ZNF487: variants seen among roughly 807,000 people sequenced by gnomAD.
ZNF487 encodes the protein zinc finger protein 487.
ZNF487 carries 4 observed loss-of-function variants against 3.0 expected under a neutral mutation model. The ratio of observed to expected loss-of-function variants is 1.35; its 90% CI spans 0.66 to 3.08. The LOEUF (loss-of-function observed/expected upper bound fraction) is 3.08. Ranked by LOEUF, ZNF487 falls within the 30% of genes most tolerant of loss-of-function variation. ZNF487 has a pLI of 0.01. For missense variants in ZNF487, 146 were observed against 98.7 expected, an observed-to-expected ratio of 1.48 and a Z score of -2.03; for synonymous variants, 55 against 34.6, an observed-to-expected ratio of 1.59 and a Z score of -2.06.
the ZNF487 span, among the ~76,000 whole-genome samples, chr10:43,511,179 C>T: frequency 6.6e-6 from 1 of 152,172 alleles, no homozygotes; most frequent in African/African-American, 2.4e-5. Context: ...TTTGCCCCAG[C>T]CTTGCAAAAT....
chr10:43,436,945 C>T (rs1401247308), upstream of ZNF487: 1 of 465,084 alleles, frequency 2.2e-6, no homozygotes. Flanking sequence ...GGTAAGAGTC[C>T]GGCCAGCGGA....
chr10:43,479,975 C>CTTTTCT (rs1341921432), intron 3 of ZNF487, among the ~76,000 whole-genome samples: 1 of 38,742 alleles, frequency 2.6e-5, no homozygotes. Flanking sequence ...TCTTTCTTTT[C>CTTTTCT]TTTCTTTCCT....
chr10:43,503,417 A>G, the ZNF487 span, among the ~76,000 whole-genome samples: 28 of 152,178 alleles, frequency 1.8e-4, no homozygotes, highest in Non-Finnish European at 3.7e-4. Flanking sequence ...TTATTGTTGA[A>G]GAAAGGAAAA....
chr10:43,510,679 C>T, the ZNF487 span, among the ~76,000 whole-genome samples: 1 of 152,142 alleles, frequency 6.6e-6, no homozygotes, highest in Non-Finnish European at 1.5e-5. Context: ...TCCTGAGTAG[C>T]TGGGATTACA....
chr10:43,482,790 C>A lies in ZNF487; in HGVS notation c.*868C>A. ...AAAATCCTTCTCTGTGAAGTCAAAA[C>A]TTAGAGAACATCAGAGAATTCACAC... On this transcript the variant is annotated 3_prime_UTR_variant, in exon 4 of 4. Transcript: ENST00000437590. 2.0e-6 allele frequency: 1 copy of A among 500,926 alleles called. No homozygotes were observed. 31.0% of individuals were successfully genotyped at this position (500,926 alleles called of 1,614,324 possible).
At chr10:43,455,621 T>G (rs1490856190) in intron 1 of ZNF487, among the ~76,000 whole-genome samples, 1 of 152,130 alleles carries the variant, frequency 6.6e-6, no homozygotes, top group Non-Finnish European at 1.5e-5. Flanking sequence ...CCCCTCTAGG[T>G]CCGTGGCGCG....
chr10:43,476,217 A>G lies in ZNF487; in HGVS notation c.130+15A>G. 1.4e-6 allele frequency: 1 copy of G among 714,484 alleles called. No individual in the cohort carries two copies. Among genetic ancestry groups the G allele is most frequent in the Non-Finnish European group, 2.6e-6 (1 of 384,444 alleles). The allele number at this position is 714,484 out of a possible 1,614,324, so 44.3% of individuals were successfully genotyped here. A position where few individuals can be genotyped will look rare whatever the true frequency, so the allele number is the denominator to read the frequency against. The stretch of plus-strand genomic sequence containing the variant: ...GAGCCACCTAGGTGAGTTAATAAAT[A>G]TATAGGAAGCTATAATCCCAGGGAG... On this transcript the variant is annotated intron_variant, in intron 3 of 3. Transcript: ENST00000437590.
At chr10:43,449,621 A>G (rs979147885) in intron 1 of ZNF487, among the ~76,000 whole-genome samples, 2 of 151,726 alleles carry the variant, frequency 1.3e-5, no homozygotes, top group Admixed American at 6.6e-5. Context: ...ATGCATTTTG[A>G]GCTTATTTCT....
the ZNF487 span, among the ~76,000 whole-genome samples, chr10:43,496,959 G>C: frequency 6.6e-6 from 1 of 152,064 alleles, no homozygotes; most frequent in Admixed American, 6.6e-5. Flanking sequence ...TAGAATAATC[G>C]GTCTGTTTTC....
the ZNF487 span, among the ~76,000 whole-genome samples, chr10:43,498,103 TTTTTTTTTTTC>T: frequency 4.4e-3 from 59 of 13,470 alleles, 8 homozygotes; most frequent in East Asian, 0.016. Flanking sequence ...ATATATATTT[TTTTTTTTTTTC>T]TTTTTTTTTT....
chr10:43,441,335 G>A (rs1036680298), intron 1 of ZNF487, among the ~76,000 whole-genome samples: 7 of 151,788 alleles, frequency 4.6e-5, no homozygotes, highest in Non-Finnish European at 8.8e-5. Context: ...GCACGATCTC[G>A]GCTCACTGCA....
chr10:43,512,401 C>T, the ZNF487 span, among the ~76,000 whole-genome samples: 1 of 152,140 alleles, frequency 6.6e-6, no homozygotes, highest in Non-Finnish European at 1.5e-5. Flanking sequence ...CTGCGCATGA[C>T]CCACTTTATG....
chr10:43,440,113 A>G (rs1268412359), intron 1 of ZNF487, among the ~76,000 whole-genome samples: 1 of 148,624 alleles, frequency 6.7e-6, no homozygotes, highest in Non-Finnish European at 1.5e-5. Context: ...CAGTGGAGAG[A>G]TCTCAGCTAA....
At chr10:43,514,396 C>T in the ZNF487 span, among the ~76,000 whole-genome samples, 1 of 152,198 alleles carries the variant, frequency 6.6e-6, no homozygotes, top group Non-Finnish European at 1.5e-5. Context: ...CTGCCTTGGC[C>T]TCCCAAAGTG....
chr10:43,449,377 C>T (rs1160979868), intron 1 of ZNF487, among the ~76,000 whole-genome samples: 4 of 152,018 alleles, frequency 2.6e-5, no homozygotes, highest in Non-Finnish European at 5.9e-5. Flanking sequence ...TTGACATACA[C>T]AAGTCACAGA....
rs373816130 is a variant in ZNF487, at chr10:43,482,375, A to G, written c.*453A>G. Reference sequence around the variant, plus strand: ...AACCTTCAGCCATAAATCCTCTTTTATCCTACAGCAGAGGATACACAGAGG... The same window carrying G: ...AACCTTCAGCCATAAATCCTCTTTTGTCCTACAGCAGAGGATACACAGAGG... On this transcript the variant is annotated 3_prime_UTR_variant, in exon 4 of 4. Transcript: ENST00000437590. 10 of 461,318 alleles carry G rather than the reference A, an allele frequency of 2.2e-5. No individual in the cohort carries two copies. The highest frequency in any genetic ancestry group is 6.9e-5 in the East Asian group (1 of 14,498). The allele number at this position is 461,318 out of a possible 1,614,324, so 28.6% of individuals were successfully genotyped here. A position where few individuals can be genotyped will look rare whatever the true frequency, so the allele number is the denominator to read the frequency against.
chr10:43,465,277 C>T (rs1429094509), intron 1 of ZNF487, among the ~76,000 whole-genome samples: 1 of 149,850 alleles, frequency 6.7e-6, no homozygotes, highest in Non-Finnish European at 1.5e-5. Flanking sequence ...GGGCGGCTGG[C>T]CTGGCGGGGG....
chr10:43,461,235 G>A (rs1201306972), intron 1 of ZNF487, among the ~76,000 whole-genome samples: 1 of 151,626 alleles, frequency 6.6e-6, no homozygotes, highest in Non-Finnish European at 1.5e-5. Flanking sequence ...TCAAACTTCT[G>A]ACCTCAGGTG....
the ZNF487 span, among the ~76,000 whole-genome samples, chr10:43,505,574 C>T: frequency 2.6e-5 from 4 of 152,258 alleles, no homozygotes; most frequent in South Asian, 2.1e-4. Context: ...TGAGCCACCA[C>T]GCCTGGTCCA....
Sources: gnomAD v4.1 joint callset for allele counts (sites outside exome capture counted in the v4.1 genomes callset) on GRCh38, gnomAD v4.1.1 for gene constraint, MANE v1.5 for transcripts, NCBI Gene and HGNC (gene_info 2026-07-23, HGNC 2026-07-21) for gene names.